The following SLC35E3 variants were observed in gnomAD, a reference collection of about 807,000 sequenced individuals.
The protein encoded by SLC35E3 is solute carrier family 35 member E3, also known as bladder cancer-overexpressed gene 1 protein.
Under a neutral mutation model 30.8 loss-of-function variants are expected in SLC35E3, and 28 were observed. The observed-to-expected ratio is 0.91, with a 90% CI of 0.67 to 1.25. The LOEUF is 1.25. Among genes scored for constraint, SLC35E3 ranks in the 50% most tolerant of loss-of-function variants. The pLI, the probability that SLC35E3 is intolerant of heterozygous loss-of-function variation, is 0.00. For missense variants in SLC35E3, 365 were observed against 375.4 expected (o/e 0.97, Z 0.23); for synonymous variants, 146 against 149.2 (o/e 0.98, Z 0.16).
chr12:68,774,596 G>A lies in SLC35E3; in HGVS notation c.*9706G>A, dbSNP rs1172664423. 6.9e-6 allele frequency: 1 copy of A among 143,948 alleles called. No homozygotes were observed. The highest frequency in any genetic ancestry group is 2.6e-5 in the African/African-American group (1 of 38,088). The allele number at this position is 143,948 out of a possible 1,614,324, so 8.9% of individuals were successfully genotyped here. On this transcript the variant is annotated 3_prime_UTR_variant, in exon 5 of 5. Coordinates refer to ENST00000398004, the MANE Select transcript of SLC35E3 (RefSeq NM_018656.5). The stretch of plus-strand genomic sequence containing the variant: ...CTCCATCTCAAAAAAAAAAAAATTA[G>A]GTATATTGGTGTGCACCTGTGGTCT...
At chr12:68,747,415 A>T (rs1236023071) in intron 1 of SLC35E3, among the ~76,000 whole-genome samples, 1 of 152,040 alleles carries the variant, frequency 6.6e-6, no homozygotes, top group Non-Finnish European at 1.5e-5. Context: ...GATTACAGGC[A>T]TGCGCCACCA....
rs867428145 is a variant in SLC35E3, at chr12:68,779,258, A to G, written c.*14368A>G. ...CTCAGCCTCCTGAGTAACTGGGACT[A>G]TAGGTATGCCCTACCATGTGTGGCT... On this transcript the variant is annotated 3_prime_UTR_variant, in exon 5 of 5. Transcript: ENST00000398004. The G allele has an allele frequency of 5.3e-5, 8 of 152,224 alleles. No homozygotes were observed. The highest frequency in any genetic ancestry group is 1.9e-4 in the African/African-American group (8 of 41,456). The allele number at this position is 152,224 out of a possible 1,614,324, so 9.4% of individuals were successfully genotyped here. A position where few individuals can be genotyped will look rare whatever the true frequency, so the allele number is the denominator to read the frequency against.
chr12:68,760,915 T>G (rs560246890), intron 4 of SLC35E3, among the ~76,000 whole-genome samples: 5 of 152,272 alleles, frequency 3.3e-5, no homozygotes, highest in African/African-American at 1.2e-4. Context: ...GAATGTGAAA[T>G]GTCATAGACA....
Position 68,767,547 on chromosome 12 carries a change from G to A in SLC35E3, c.*2657G>A, listed in dbSNP as rs575304668. The A allele has an allele frequency of 2.0e-5, 3 of 148,464 alleles. No homozygotes were observed. The highest frequency in any genetic ancestry group is 2.0e-4 in the East Asian group (1 of 5,126). The allele number at this position is 148,464 out of a possible 1,614,324, so 9.2% of individuals were successfully genotyped here. On this transcript the variant is annotated 3_prime_UTR_variant, in exon 5 of 5. Coordinates refer to ENST00000398004, the MANE Select transcript of SLC35E3 (RefSeq NM_018656.5). ...AAAAAAAAAAAAAAAAGGGAAGAGCGACAAAATATACCTTTTGATAAGACA... is the reference window on the plus strand; with the variant it reads ...AAAAAAAAAAAAAAAAGGGAAGAGCAACAAAATATACCTTTTGATAAGACA...
intron 2 of SLC35E3, among the ~76,000 whole-genome samples, chr12:68,748,849 A>G (rs1878691387): frequency 6.6e-6 from 1 of 152,224 alleles, no homozygotes; most frequent in Non-Finnish European, 1.5e-5. Context: ...TCCACTGGTT[A>G]TTAAACTAAG....
chr12:68,762,054 G>A (rs1421099142), intron 4 of SLC35E3, among the ~76,000 whole-genome samples: 2 of 151,922 alleles, frequency 1.3e-5, no homozygotes, highest in Non-Finnish European at 2.9e-5. Context: ...TCAAACTGTT[G>A]GGCTCAAGCA....
chr12:68,749,131 C>T (rs1233709403), intron 2 of SLC35E3, among the ~76,000 whole-genome samples: 6 of 152,116 alleles, frequency 3.9e-5, no homozygotes, highest in Admixed American at 3.3e-4. Flanking sequence ...GAGTACTCAC[C>T]ATCTCTGTCA....
intron 2 of SLC35E3, 104 bp downstream of exon 2, chr12:68,748,144 G>A (rs894762514): frequency 1.0e-5 from 7 of 673,038 alleles, no homozygotes; most frequent in Non-Finnish European, 1.8e-5. Context: ...ATAGACTGTT[G>A]GGAAGAAAGC....
chr12:68,772,206 T>G lies in SLC35E3; in HGVS notation c.*7316T>G, dbSNP rs954764092. On this transcript the variant is annotated 3_prime_UTR_variant, in exon 5 of 5. Coordinates refer to ENST00000398004, the MANE Select transcript of SLC35E3 (RefSeq NM_018656.5). The stretch of plus-strand genomic sequence containing the variant: ...GCACCCACCATCATGCCCAGCTAAT[T>G]TTTTGTATTTTTGTAGAGACAGGGT... The G allele has an allele frequency of 4.6e-5, 7 of 151,692 alleles. No homozygotes were observed. Among genetic ancestry groups the G allele is most frequent in the African/African-American group, 1.7e-4 (7 of 41,274 alleles). 9.4% of individuals were successfully genotyped at this position (151,692 alleles called of 1,614,324 possible).
At position 68,766,844 on chromosome 12, in the gene SLC35E3, C is replaced by CG. The variant is rs372314806; in HGVS notation, c.*1955dup. 2.3e-6 allele frequency: 1 copy of CG among 437,716 alleles called. No individual in the cohort carries two copies. The highest frequency in any genetic ancestry group is 1.6e-5 in the South Asian group (1 of 60,638). The allele number at this position is 437,716 out of a possible 1,614,324, so 27.1% of individuals were successfully genotyped here. Reference sequence around the variant, plus strand: ...AAGCCATCTGTCTGCCTCAGCCTCTCGAAGTGCTGGGATTACAGGCCTGAG... The same window carrying CG: ...AAGCCATCTGTCTGCCTCAGCCTCTCGGAAGTGCTGGGATTACAGGCCTGAG... On this transcript the variant is annotated 3_prime_UTR_variant, in exon 5 of 5. Coordinates refer to ENST00000398004, the MANE Select transcript of SLC35E3 (RefSeq NM_018656.5).
chr12:68,758,598 CA>C (rs1475561873), intron 3 of SLC35E3, among the ~76,000 whole-genome samples: 3 of 151,928 alleles, frequency 2.0e-5, no homozygotes, highest in Non-Finnish European at 2.9e-5. Flanking sequence ...TGGAAATTCA[CA>C]ATCACAGAAA....
rs933808211 is a variant in SLC35E3 at position 68,765,149 on chromosome 12, G to A, written c.*259G>A. 2.2e-5 allele frequency: 5 copies of A among 222,802 alleles called. No individual in the cohort carries two copies. Among genetic ancestry groups the A allele is most frequent in the Non-Finnish European group, 4.4e-5 (5 of 112,638 alleles). 13.8% of individuals were successfully genotyped at this position (222,802 alleles called of 1,614,324 possible). On this transcript the variant is annotated 3_prime_UTR_variant, in exon 5 of 5. Coordinates refer to ENST00000398004, the MANE Select transcript of SLC35E3 (RefSeq NM_018656.5). ...CGCATGCCTGTAATCCCAGCTACTC[G>A]GGAGGCTGAGGCAGGAGAATCACTT...
chr12:68,752,305 A>T, intron 3 of SLC35E3, 115 bp downstream of exon 3: 1 of 1,039,270 alleles, frequency 9.6e-7, no homozygotes, highest in Non-Finnish European at 1.4e-6. Context: ...ATTTATCGTC[A>T]TAATCACCAT....
At position 68,746,762 on chromosome 12, in the gene SLC35E3, A is replaced by T. The variant is rs372716472; in HGVS notation, c.385A>T (p.Arg129Ter). The T allele has an allele frequency of 6.3e-7, 1 of 1,591,690 alleles. No individual in the cohort carries two copies. The highest frequency in any genetic ancestry group is 8.6e-7 in the Non-Finnish European group (1 of 1,165,380). Reference protein sequence around the residue: ...TFCYQKTFSTRIQLTLIPITL... With the variant: ...TFCYQKTFST ...CTGCTACCAGAAAACCTTCTCCACC[A>T]GAATCCAGCTCACGCTGGTGAGTAG... is the stretch of plus-strand genomic sequence containing the variant. Residue 129 changes from arginine to a stop codon, truncating the protein, a stop_gained, in exon 1 of 5, where the codon AGA becomes TGA. Coordinates refer to ENST00000398004, the MANE Select transcript of SLC35E3 (RefSeq NM_018656.5). LOFTEE classifies it high-confidence loss of function.
At chr12:68,750,779 T>A (rs1235757860) in intron 2 of SLC35E3, among the ~76,000 whole-genome samples, 1 of 152,200 alleles carries the variant, frequency 6.6e-6, no homozygotes, top group Non-Finnish European at 1.5e-5. Context: ...TTGTCCTTCA[T>A]ATTCACAGAG....
chr12:68,752,463 T>C (rs1377077223), intron 3 of SLC35E3, among the ~76,000 whole-genome samples: 10 of 152,236 alleles, frequency 6.6e-5, no homozygotes, highest in South Asian at 4.1e-4. Flanking sequence ...GTTCTGACCA[T>C]GTCAAGCTAG....
chr12:68,753,111 C>CA (rs34737156), intron 3 of SLC35E3, among the ~76,000 whole-genome samples: 40,893 of 122,136 alleles, frequency 0.33, 6,821 homozygotes, highest in South Asian at 0.55. Flanking sequence ...ACACCTGTCT[C>CA]AAAAAAAAAA....
intron 4 of SLC35E3, among the ~76,000 whole-genome samples, chr12:68,762,669 A>G (rs1879265779): frequency 6.6e-6 from 1 of 152,228 alleles, no homozygotes; most frequent in African/African-American, 2.4e-5. Flanking sequence ...TCGTATAAAT[A>G]TACTTAAAAG....
chr12:68,759,352 G>C (rs547264092), intron 4 of SLC35E3, 113 bp downstream of exon 4: 1 of 753,490 alleles, frequency 1.3e-6, no homozygotes, highest in Non-Finnish European at 2.2e-6. Flanking sequence ...AAATTGAGTA[G>C]AGAGAGTTAT....
Sources: gnomAD v4.1 joint callset for allele counts (sites outside exome capture counted in the v4.1 genomes callset) on GRCh38, gnomAD v4.1.1 for gene constraint, MANE v1.5 for transcripts, NCBI Gene and HGNC (gene_info 2026-07-23, HGNC 2026-07-21) for gene names.